Variants in CHST10 observed in about 807,000 individuals in gnomAD.
CHST10 encodes carbohydrate sulfotransferase 10.
CHST10 carries 24 observed loss-of-function variants against 34.7 expected under a neutral mutation model. The observed-to-expected ratio is 0.69, with a 90% confidence interval of 0.50 to 0.97. The LOEUF is 0.97. Among genes scored for constraint, CHST10 ranks in the 50% least tolerant of loss-of-function variants. The pLI, the probability that CHST10 is intolerant of heterozygous loss-of-function variation, is 0.00. For synonymous variants in CHST10, 161 were observed against 169.3 expected, an observed-to-expected ratio of 0.95 and a Z score of 0.38; for missense variants, 402 against 452.1, an observed-to-expected ratio of 0.89 and a Z score of 1.00.
At chr2:100,409,085 AC>A (rs1675705951) in intron 2 of CHST10, among the ~76,000 whole-genome samples, 4 of 152,118 alleles carry the variant, frequency 2.6e-5, no homozygotes, top group Admixed American at 2.6e-4. Flanking sequence ...TGACGCGCTG[AC>A]TCTGCAGAGC....
intron 6 of CHST10, 141 bp downstream of exon 6, chr2:100,395,368 G>A: frequency 1.6e-6 from 1 of 629,718 alleles, no homozygotes; most frequent in South Asian, 2.1e-5. Flanking sequence ...TAGCTTAGCT[G>A]CCTCTCACTG....
intron 3 of CHST10, among the ~76,000 whole-genome samples, chr2:100,403,738 A>G (rs1170659115): frequency 2.0e-5 from 3 of 152,208 alleles, no homozygotes; most frequent in Non-Finnish European, 4.4e-5. Flanking sequence ...CACCGTGGAC[A>G]CTGCCGTGTC....
At position 100,395,087 on chromosome 2, in the gene CHST10, C is replaced by T. The variant is rs190358123; in HGVS notation, c.533+422G>A. Among the ~76,000 whole-genome samples, 205 of 152,340 alleles carry T rather than the reference C, an allele frequency of 1.3e-3. 1 individual carries two copies. The highest frequency in any genetic ancestry group is 4.5e-3 in the Admixed American group (69 of 15,308). On this transcript the variant is annotated intron_variant, in intron 6 of 6. Coordinates refer to ENST00000264249, the MANE Select transcript of CHST10 (RefSeq NM_004854.5). ...CTGCCCATGCTGGATGCAGCCCACA[C>T]AACCACTGCAGGGGCAGCTCCCACA...
Position 100,393,493 on chromosome 2 carries a change from T to A in CHST10, c.823A>T (p.Ile275Leu). ...TGGTGTCCAATCACACTGTACATTA[T>A]CTCACAGGGAGCACAGAGCTCTACA... ...TYVELCAPCE[I>L]MYSVIGHHET... The change falls in exon 7 of 7, where the codon ATA becomes TTA. Residue 275 changes from isoleucine (I) to leucine (L), a missense_variant. Coordinates refer to ENST00000264249, the MANE Select transcript of CHST10 (RefSeq NM_004854.5). 1 of 1,614,102 alleles carries A rather than the reference T, an allele frequency of 6.2e-7. No homozygotes were observed. The highest frequency in any genetic ancestry group is 8.5e-7 in the Non-Finnish European group (1 of 1,180,020).
Position 100,411,344 on chromosome 2 carries a change from T to C in CHST10, c.-33+3697A>G, listed in dbSNP as rs1573199660. On this transcript the variant is annotated intron_variant, in intron 2 of 6. Transcript: ENST00000264249. Reference sequence around the variant, plus strand: ...CCAGGCTGGTCTTGAACTCCTGACCTCAAGTGATCCACCTGCCTTGGACTC... The same window carrying C: ...CCAGGCTGGTCTTGAACTCCTGACCCCAAGTGATCCACCTGCCTTGGACTC... Among the ~76,000 whole-genome samples, 3 of 152,216 alleles carry C rather than the reference T, an allele frequency of 2.0e-5. No homozygotes were observed. In the South Asian group the frequency reaches 6.2e-4, roughly 32 times the overall value.
chr2:100,413,129 G>C (rs1675916994), intron 2 of CHST10, among the ~76,000 whole-genome samples: 1 of 152,158 alleles, frequency 6.6e-6, no homozygotes, highest in South Asian at 2.1e-4. Flanking sequence ...TCTTTCCTCA[G>C]GGCTCTGCCA....
chr2:100,413,233 A>G (rs948866008), intron 2 of CHST10, among the ~76,000 whole-genome samples: 2 of 152,192 alleles, frequency 1.3e-5, no homozygotes, highest in African/African-American at 4.8e-5. Flanking sequence ...AGGAGCCAAG[A>G]CAACTCTCAG....
intron 2 of CHST10, among the ~76,000 whole-genome samples, chr2:100,409,696 A>AT (rs757057348): frequency 6.6e-6 from 1 of 152,066 alleles, no homozygotes; most frequent in Non-Finnish European, 1.5e-5. Context: ...TCGGGCTCCC[A>AT]TTTTTCATCC....
intron 2 of CHST10, among the ~76,000 whole-genome samples, chr2:100,412,690 C>T (rs1175248625): frequency 1.3e-5 from 2 of 152,156 alleles, no homozygotes; most frequent in Admixed American, 6.5e-5. Context: ...CGCCATTCTC[C>T]CACCACCTCC....
intron 4 of CHST10, among the ~76,000 whole-genome samples, chr2:100,401,591 C>T (rs1396992181): frequency 2.6e-5 from 4 of 152,184 alleles, no homozygotes; most frequent in African/African-American, 9.7e-5. Context: ...AGCCACTCTC[C>T]TATTTCCCAT....
intron 3 of CHST10, among the ~76,000 whole-genome samples, chr2:100,406,358 T>C (rs1388318182): frequency 2.6e-5 from 4 of 152,106 alleles, no homozygotes; most frequent in African/African-American, 7.2e-5. Flanking sequence ...GCTTCCTTCC[T>C]CCAGAGGAGA....
chr2:100,405,214 C>T (rs1214526580), intron 3 of CHST10, among the ~76,000 whole-genome samples: 1 of 152,212 alleles, frequency 6.6e-6, no homozygotes, highest in Admixed American at 6.5e-5. Flanking sequence ...GACGGAACCC[C>T]GAGTCCCGGG....
At chr2:100,404,419 G>GT (rs1293065586) in intron 3 of CHST10, among the ~76,000 whole-genome samples, 1 of 152,216 alleles carries the variant, frequency 6.6e-6, no homozygotes, top group Non-Finnish European at 1.5e-5. Flanking sequence ...CTCACAGGCA[G>GT]TATTAAGGAC....
At position 100,405,172 on chromosome 2, in the gene CHST10, G is replaced by C. The variant is rs138658865; in HGVS notation, c.100+1404C>G. ...ACTGAGATCATCGTGTCACATTCCA[G>C]CAACCCTCCAAGAATCGACCCTTGC... is the stretch of plus-strand genomic sequence containing the variant. On this transcript the variant is annotated intron_variant, in intron 3 of 6. Transcript: ENST00000264249. 5.3e-5 allele frequency among the ~76,000 whole-genome samples: 8 copies of C among 152,340 alleles called. No individual in the cohort carries two copies. The East Asian group carries it at 1.5e-3, about 29-fold the overall frequency.
At chr2:100,414,595 C>T (rs1044951128) in intron 2 of CHST10, among the ~76,000 whole-genome samples, 2 of 152,172 alleles carry the variant, frequency 1.3e-5, no homozygotes, top group Admixed American at 1.3e-4. Context: ...AGTTCTATTG[C>T]ATGTCACTGA....
In CHST10 at chr2:100,402,478, C is replaced by T. The variant is rs754048915; in HGVS notation, c.192+86G>A. 4.4e-5 allele frequency: 45 copies of T among 1,018,772 alleles called. 1 individual carries two copies. In the Middle Eastern group the frequency reaches 9.2e-4, roughly 21 times the overall value. The allele number at this position is 1,018,772 out of a possible 1,614,324, so 63.1% of individuals were successfully genotyped here. On this transcript the variant is annotated intron_variant, in intron 4 of 6. Coordinates refer to ENST00000264249, the MANE Select transcript of CHST10 (RefSeq NM_004854.5). ...GCTCTAACGCAGACGTGATGACAAGCGGAACCAGCCACAGGGGAAGGCCAG... is the reference window on the plus strand; with the variant it reads ...GCTCTAACGCAGACGTGATGACAAGTGGAACCAGCCACAGGGGAAGGCCAG...
In CHST10 at chr2:100,406,509, A is replaced by G. The variant is rs1675583022; in HGVS notation, c.100+67T>C. ...TGTGACAGAAGTCATCTATGCATGT[A>G]CCTAGGAACAGTGTTGCAGCTAGGT... On this transcript the variant is annotated intron_variant, in intron 3 of 6. Coordinates refer to ENST00000264249, the MANE Select transcript of CHST10 (RefSeq NM_004854.5). 2.5e-6 allele frequency: 4 copies of G among 1,590,556 alleles called. No homozygotes were observed. In the South Asian group the frequency reaches 3.4e-5, roughly 14 times the overall value.
Position 100,393,313 on chromosome 2 carries a change from G to A in CHST10, c.1003C>T (p.Leu335=), listed in dbSNP as rs1272096271. Residue 335 remains leucine, a synonymous_variant, in exon 7 of 7, where the codon CTG becomes TTG. Transcript: ENST00000264249. ...LGISKRDIRR[L]YARFEGDFKL... The stretch of plus-strand genomic sequence containing the variant: ...AAGTCCCCTTCGAAACGGGCATACA[G>A]GCGTCGGATGTCTCGTTTGCTGATG... 6.2e-7 allele frequency: 1 copy of A among 1,614,092 alleles called. No homozygotes were observed. Among genetic ancestry groups the A allele is most frequent in the Non-Finnish European group, 8.5e-7 (1 of 1,180,044 alleles).
At chr2:100,416,714 A>AC (rs1676082251) in intron 1 of CHST10, 7 of 340,070 alleles carry the variant, frequency 2.1e-5, no homozygotes, top group South Asian at 1.2e-4. Context: ...AACAACAACA[A>AC]AAACCCACCG....
Sources: allele counts gnomAD v4.1 joint callset (sites outside exome capture counted in the v4.1 genomes callset), GRCh38; gene constraint gnomAD v4.1.1; transcripts MANE v1.5; gene names NCBI Gene and HGNC (gene_info 2026-07-23, HGNC 2026-07-21).